The following ALDH18A1 variants were observed in gnomAD, a reference collection of about 807,000 sequenced individuals.
ALDH18A1 encodes delta-1-pyrroline-5-carboxylate synthase.
Under a neutral mutation model 88.8 loss-of-function variants are expected in ALDH18A1, and 44 were observed. That is an observed-to-expected ratio of 0.50 (90% CI 0.39 to 0.64). ALDH18A1 has a LOEUF of 0.64. ALDH18A1 is among the 30% of genes least tolerant of loss of function. ALDH18A1 has a pLI of 0.00. For synonymous variants in ALDH18A1, 331 were observed against 372.1 expected (o/e 0.89, Z 1.27); for missense variants, 782 against 1,009.5 (o/e 0.77, Z 3.05).
intron 11 of ALDH18A1, among the ~76,000 whole-genome samples, chr10:95,621,608 G>T (rs1210967929): frequency 6.6e-6 from 1 of 152,068 alleles, no homozygotes; most frequent in South Asian, 2.1e-4. Context: ...CACCGTGCCT[G>T]GCCCAACTGA....
intron 5 of ALDH18A1, among the ~76,000 whole-genome samples, 163 bp from the exon 6 acceptor site, chr10:95,633,812 C>CTTTTTTTTTT (rs869056809): frequency 1.9e-5 from 2 of 103,274 alleles, no homozygotes; most frequent in East Asian, 3.4e-4. Context: ...CTATCCAATT[C>CTTTTTTTTTT]TTTTTTTTTT....
chr10:95,621,797 T>G (rs1342899486), intron 11 of ALDH18A1, among the ~76,000 whole-genome samples: 1 of 152,182 alleles, frequency 6.6e-6, no homozygotes, highest in African/African-American at 2.4e-5. Flanking sequence ...ATTTATCATT[T>G]GTATGAACAG....
chr10:95,652,832 T>C (rs2097912402), intron 2 of ALDH18A1, among the ~76,000 whole-genome samples: 1 of 152,140 alleles, frequency 6.6e-6, no homozygotes, highest in Non-Finnish European at 1.5e-5. Context: ...TCCTTGCTAT[T>C]TGGCAGAATT....
rs759156413 is a variant in ALDH18A1, at chr10:95,637,190, G to A, written c.461C>T (p.Pro154Leu). ...GQNQLKEMAI[P>L]VLEARACAAA... ...TGCACAGGCTCGTGCCTCTAAGACT[G>A]GAATTGCCTGTAATATACCAATGAG... The change falls in exon 5 of 18, where the codon CCA becomes CTA. Residue 154 changes from proline to leucine, a missense_variant. Coordinates refer to ENST00000371224, the MANE Select transcript of ALDH18A1 (RefSeq NM_002860.4). The A allele has an allele frequency of 6.2e-7, 1 of 1,614,140 alleles. No homozygotes were observed.
At position 95,650,443 on chromosome 10, in the gene ALDH18A1, T is replaced by C. The variant is rs117167269; in HGVS notation, c.88+2847A>G. Among the ~76,000 whole-genome samples the C allele has an allele frequency of 4.6e-3, 703 of 152,306 alleles. 5 individuals are homozygous for C. Among genetic ancestry groups the C allele is most frequent in the Middle Eastern group, 0.014 (4 of 294 alleles). ...GGAGGTGGGGCCTGGTAGGAAGTGT[T>C]TGAATTACGGGGGCAGATCCCTGAT... On this transcript the variant is annotated intron_variant, in intron 2 of 17. Coordinates refer to ENST00000371224, the MANE Select transcript of ALDH18A1 (RefSeq NM_002860.4).
chr10:95,610,744 G>T (rs1490032702), intron 16 of ALDH18A1, among the ~76,000 whole-genome samples: 1 of 152,320 alleles, frequency 6.6e-6, no homozygotes, highest in East Asian at 1.9e-4. Flanking sequence ...CACACAGTGA[G>T]TGCTTGGTAA....
intron 17 of ALDH18A1, among the ~76,000 whole-genome samples, chr10:95,608,209 T>G (rs1307182796): frequency 6.6e-6 from 1 of 152,246 alleles, no homozygotes; most frequent in Non-Finnish European, 1.5e-5. Context: ...TGAAATGATC[T>G]TTTGTTCTTC....
At chr10:95,632,778 T>C (rs1163147443) in intron 7 of ALDH18A1, among the ~76,000 whole-genome samples, 181 bp downstream of exon 7, 1 of 152,208 alleles carries the variant, frequency 6.6e-6, no homozygotes. Flanking sequence ...AGGATTCAAA[T>C]GACATCTCTT....
At chr10:95,615,558 C>T (rs924574264) in intron 13 of ALDH18A1, among the ~76,000 whole-genome samples, 1 of 152,048 alleles carries the variant, frequency 6.6e-6, no homozygotes, top group African/African-American at 2.4e-5. Flanking sequence ...GTATGTTACA[C>T]ATCAATAGGA....
At chr10:95,614,348 T>G (rs554639955) in intron 13 of ALDH18A1, among the ~76,000 whole-genome samples, 187 bp from the exon 14 acceptor site, 1 of 152,354 alleles carries the variant, frequency 6.6e-6, no homozygotes, top group Admixed American at 6.5e-5. Context: ...AGCAAATGCT[T>G]ATCAAACACT....
intron 2 of ALDH18A1, among the ~76,000 whole-genome samples, chr10:95,648,504 T>G (rs2097904825): frequency 6.6e-6 from 1 of 152,168 alleles, no homozygotes; most frequent in Non-Finnish European, 1.5e-5. Context: ...ATTACAAAAA[T>G]GGCCACAATC....
chr10:95,635,200 G>A (rs2097878287), intron 5 of ALDH18A1, among the ~76,000 whole-genome samples: 1 of 152,144 alleles, frequency 6.6e-6, no homozygotes, highest in Non-Finnish European at 1.5e-5. Flanking sequence ...CTCCTTTTCA[G>A]AAAAGCTTAG....
Position 95,621,184 on chromosome 10 carries a change from G to C in ALDH18A1, c.1314C>G (p.Ile438Met). 4 of 1,614,108 alleles carry C rather than the reference G, an allele frequency of 2.5e-6. No homozygotes were observed. The highest frequency in any genetic ancestry group is 3.4e-6 in the Non-Finnish European group (4 of 1,180,018). ...AGGAGGCTGCGATCTGTCGCAGACC[G>C]ATGGCCAGGCTGTTCAATTTGGATG... ...LSTSKLNSLA[I>M]GLRQIAASSQ... Residue 438 changes from isoleucine to methionine, a missense_variant, in exon 12 of 18, where the codon ATC becomes ATG. Coordinates refer to ENST00000371224, the MANE Select transcript of ALDH18A1 (RefSeq NM_002860.4).
At chr10:95,622,482 A>C (rs1190265535) in intron 11 of ALDH18A1, among the ~76,000 whole-genome samples, 1 of 152,090 alleles carries the variant, frequency 6.6e-6, no homozygotes, top group Non-Finnish European at 1.5e-5. Context: ...GATTACTGGT[A>C]TGAGCGACCA....
chr10:95,607,359 TG>T (rs1447410258), intron 17 of ALDH18A1, among the ~76,000 whole-genome samples: 1 of 152,180 alleles, frequency 6.6e-6, no homozygotes, highest in Non-Finnish European at 1.5e-5. Context: ...GGGACATGTT[TG>T]TGGTATCCCC....
chr10:95,645,683 T>C (rs1371472650), intron 2 of ALDH18A1, among the ~76,000 whole-genome samples: 1 of 152,168 alleles, frequency 6.6e-6, no homozygotes, highest in Non-Finnish European at 1.5e-5. Context: ...ATAAGAAAGA[T>C]AATATGATTT....
intron 15 of ALDH18A1, among the ~76,000 whole-genome samples, chr10:95,611,682 G>A (rs1308882317): frequency 6.6e-6 from 1 of 152,170 alleles, no homozygotes; most frequent in Non-Finnish European, 1.5e-5. Context: ...TTAAGGATGT[G>A]CAAGGTGGGC....
At chr10:95,639,519 T>C (rs1359302716) in intron 3 of ALDH18A1, among the ~76,000 whole-genome samples, 1 of 151,884 alleles carries the variant, frequency 6.6e-6, no homozygotes, top group Non-Finnish European at 1.5e-5. Flanking sequence ...AACAGACATG[T>C]TATTTCATCT....
At chr10:95,613,035 A>C (rs552387219) in intron 15 of ALDH18A1, among the ~76,000 whole-genome samples, 1 of 152,348 alleles carries the variant, frequency 6.6e-6, no homozygotes, top group East Asian at 1.9e-4. Flanking sequence ...CACCTTCTCT[A>C]CTGCCATGCT....
Sources: allele counts gnomAD v4.1 joint callset (sites outside exome capture counted in the v4.1 genomes callset), GRCh38; gene constraint gnomAD v4.1.1; transcripts MANE v1.5; gene names NCBI Gene and HGNC (gene_info 2026-07-23, HGNC 2026-07-21).